The following HPSE2 variants were observed in gnomAD, a reference collection of about 807,000 sequenced individuals.
HPSE2 encodes the protein inactive heparanase-2.
HPSE2 carries 38 observed loss-of-function variants against 60.5 expected under a neutral mutation model. The ratio of observed to expected loss-of-function variants is 0.63; its 90% CI spans 0.48 to 0.82. The LOEUF (loss-of-function observed/expected upper bound fraction) is 0.82, where lower values mean the gene tolerates loss of function less well. Among genes scored for constraint, HPSE2 ranks in the 40% least tolerant of loss-of-function variants. The pLI is 0.00. For missense variants in HPSE2, 713 were observed against 740.4 expected (o/e 0.96, Z 0.43); for synonymous variants, 295 against 293.2 (o/e 1.01, Z -0.06).
chr10:99,214,528 A>G (rs1256031557), intron 2 of HPSE2, among the ~76,000 whole-genome samples: 3 of 152,244 alleles, frequency 2.0e-5, no homozygotes, highest in African/African-American at 7.2e-5. Flanking sequence ...TGAAATACTA[A>G]TATGTGCTAT....
At chr10:98,707,606 C>T (rs984600194) in intron 5 of HPSE2, among the ~76,000 whole-genome samples, 1 of 152,086 alleles carries the variant, frequency 6.6e-6, no homozygotes, top group Admixed American at 6.6e-5. Flanking sequence ...CACATCTGCA[C>T]CCTATATCTC....
chr10:98,966,921 A>AT (rs1173081177), intron 3 of HPSE2, among the ~76,000 whole-genome samples: 1 of 152,174 alleles, frequency 6.6e-6, no homozygotes, highest in Admixed American at 6.5e-5. Flanking sequence ...TATCAAAAAG[A>AT]TTTTTTAATC....
At chr10:99,209,671 T>C (rs572071988) in intron 2 of HPSE2, among the ~76,000 whole-genome samples, 61 of 151,756 alleles carry the variant, frequency 4.0e-4, no homozygotes, top group Non-Finnish European at 7.8e-4. Context: ...CAATAGAAAA[T>C]ATTAATACAA....
chr10:98,522,420 C>T (rs779798493), intron 9 of HPSE2, among the ~76,000 whole-genome samples: 10 of 151,746 alleles, frequency 6.6e-5, no homozygotes, highest in Non-Finnish European at 8.8e-5. Context: ...TCCCGGGGGG[C>T]GGGGGAAATA....
intron 3 of HPSE2, among the ~76,000 whole-genome samples, chr10:98,821,569 C>T (rs1439636162): frequency 6.6e-6 from 1 of 152,136 alleles, no homozygotes; most frequent in African/African-American, 2.4e-5. Flanking sequence ...TTCAGCCCAA[C>T]AAGCAGAACT....
intron 3 of HPSE2, among the ~76,000 whole-genome samples, chr10:98,857,971 T>C (rs901396089): frequency 6.6e-5 from 10 of 152,310 alleles, no homozygotes; most frequent in Admixed American, 5.2e-4. Context: ...GGAAAACCAC[T>C]GGTCTTAGAG....
At chr10:98,770,933 A>G (rs1342538778) in intron 3 of HPSE2, among the ~76,000 whole-genome samples, 3 of 152,184 alleles carry the variant, frequency 2.0e-5, no homozygotes, top group Non-Finnish European at 4.4e-5. Context: ...TGGCTCATTT[A>G]CTAAATATTT....
intron 3 of HPSE2, among the ~76,000 whole-genome samples, chr10:98,866,878 A>T (rs933126288): frequency 5.3e-5 from 8 of 152,192 alleles, no homozygotes; most frequent in African/African-American, 1.9e-4. Context: ...AAGAAATGTT[A>T]AAGATTGTCC....
At chr10:99,209,721 G>A (rs1184025579) in intron 2 of HPSE2, among the ~76,000 whole-genome samples, 1 of 152,058 alleles carries the variant, frequency 6.6e-6, no homozygotes, top group African/African-American at 2.4e-5. Context: ...ATGGAGTCTC[G>A]CTCTGTCACC....
chr10:98,732,338 A>G (rs1316378602), intron 4 of HPSE2, among the ~76,000 whole-genome samples: 1 of 152,200 alleles, frequency 6.6e-6, no homozygotes, highest in East Asian at 1.9e-4. Flanking sequence ...ATTTTGAAAA[A>G]CAAAGGAACA....
At chr10:99,216,691 A>C (rs146220140) in intron 2 of HPSE2, among the ~76,000 whole-genome samples, 1 of 152,134 alleles carries the variant, frequency 6.6e-6, no homozygotes, top group Non-Finnish European at 1.5e-5. Context: ...TGTAAGTTCT[A>C]TCAGGACAAG....
rs573925687 is a variant in HPSE2 at position 98,840,599 on chromosome 10, T to C, written c.611-96543A>G. ...CGCAGGGCTTGAAAACTGATTGGAT[T>C]GGGAAGAGACAAAAAATGAGGAGGG... On this transcript the variant is annotated intron_variant, in intron 3 of 11. Coordinates refer to ENST00000370552, the MANE Select transcript of HPSE2 (RefSeq NM_021828.5). 4.6e-5 allele frequency among the ~76,000 whole-genome samples: 7 copies of C among 152,222 alleles called. No homozygotes were observed. The East Asian group carries it at 1.4e-3, about 29-fold the overall frequency.
intron 3 of HPSE2, among the ~76,000 whole-genome samples, chr10:99,042,462 T>C (rs2487895): frequency 0.76 from 115,049 of 151,834 alleles, 46,349 homozygotes; most frequent in South Asian, 0.92. Flanking sequence ...ACGGTCCCCA[T>C]TCCTGCTGCC....
intron 2 of HPSE2, among the ~76,000 whole-genome samples, chr10:99,207,899 T>C (rs1848814985): frequency 1.3e-5 from 2 of 151,640 alleles, no homozygotes; most frequent in Admixed American, 1.3e-4. Flanking sequence ...ATATAATGTT[T>C]TCTCTTATAC....
the HPSE2 span, among the ~76,000 whole-genome samples, chr10:99,283,988 A>G: frequency 2.8e-5 from 2 of 70,412 alleles, no homozygotes; most frequent in Non-Finnish European, 5.8e-5. Context: ...TTCTAAAACT[A>G]TTCCAAAAAA....
intron 9 of HPSE2, among the ~76,000 whole-genome samples, chr10:98,537,354 G>A (rs908470911): frequency 2.0e-5 from 3 of 152,138 alleles, no homozygotes; most frequent in African/African-American, 7.2e-5. Context: ...GTGGGCGGAG[G>A]ATTACCTAGG....
At position 98,778,383 on chromosome 10, in the gene HPSE2, G is replaced by A. The variant is rs11189816; in HGVS notation, c.611-34327C>T. Among the ~76,000 whole-genome samples the A allele has an allele frequency of 8.6e-4, 130 of 151,894 alleles. No homozygotes were observed. In the East Asian group the frequency reaches 0.023, roughly 27 times the overall value. Reference sequence around the variant, plus strand: ...TTTCTCTTACGAAGCTCTAACTGGTGGGTTTAGAGCAAGAAGGCATGAGTT... The same window carrying A: ...TTTCTCTTACGAAGCTCTAACTGGTAGGTTTAGAGCAAGAAGGCATGAGTT... On this transcript the variant is annotated intron_variant, in intron 3 of 11. Transcript: ENST00000370552.
At chr10:98,886,870 G>C (rs1271828359) in intron 3 of HPSE2, among the ~76,000 whole-genome samples, 1 of 152,082 alleles carries the variant, frequency 6.6e-6, no homozygotes, top group Non-Finnish European at 1.5e-5. Flanking sequence ...GAAGTGATAG[G>C]ATGAATCATG....
intron 3 of HPSE2, among the ~76,000 whole-genome samples, chr10:98,834,301 C>G (rs551306024): frequency 1.3e-5 from 2 of 152,176 alleles, no homozygotes; most frequent in East Asian, 3.9e-4. Flanking sequence ...ATTAGTGATA[C>G]TTTAAAAACT....
Sources: allele counts gnomAD v4.1 joint callset (sites outside exome capture counted in the v4.1 genomes callset), GRCh38; gene constraint gnomAD v4.1.1; transcripts MANE v1.5; gene names NCBI Gene and HGNC (gene_info 2026-07-23, HGNC 2026-07-21).